VPS13B: variants seen among roughly 807,000 people sequenced by gnomAD.
The protein encoded by VPS13B is intermembrane lipid transfer protein VPS13B.
A neutral mutation model predicts 426.4 loss-of-function variants in VPS13B; 285 were observed. The observed-to-expected ratio is 0.67, with a 90% CI of 0.61 to 0.74. VPS13B has a LOEUF of 0.74. VPS13B is among the 30% of genes least tolerant of loss of function. The pLI, the probability that VPS13B is intolerant of heterozygous loss-of-function variation, is 0.00. For missense variants in VPS13B, 4,537 were observed against 4,782.6 expected, an observed-to-expected ratio of 0.95 and a Z score of 1.51; for synonymous variants, 1,676 against 1,676.4, an observed-to-expected ratio of 1.00 and a Z score of 0.01.
intron 17 of VPS13B, among the ~76,000 whole-genome samples, chr8:99,217,164 T>G (rs1287678907): frequency 6.6e-6 from 1 of 152,212 alleles, no homozygotes; most frequent in Non-Finnish European, 1.5e-5. Flanking sequence ...TTCATGTTTA[T>G]TCCCTCTAAT....
At chr8:99,067,843 G>A (rs904460295) in intron 3 of VPS13B, among the ~76,000 whole-genome samples, 2 of 151,464 alleles carry the variant, frequency 1.3e-5, no homozygotes, top group African/African-American at 4.9e-5. Flanking sequence ...TATCTGAAAT[G>A]CATTCTTTTC....
chr8:99,056,852 A>G (rs934847044), intron 3 of VPS13B, among the ~76,000 whole-genome samples: 3 of 152,178 alleles, frequency 2.0e-5, no homozygotes, highest in African/African-American at 4.8e-5. Flanking sequence ...CAATCCATCT[A>G]CACAGTACGC....
At chr8:99,340,460 A>G (rs998195856) in intron 19 of VPS13B, 10 of 491,120 alleles carry the variant, frequency 2.0e-5, no homozygotes, top group Non-Finnish European at 2.9e-5. Context: ...TTCTCAGACT[A>G]GGACATGTTT....
intron 15 of VPS13B, among the ~76,000 whole-genome samples, chr8:99,163,472 G>A (rs1048083266): frequency 2.0e-5 from 3 of 152,162 alleles, no homozygotes; most frequent in East Asian, 1.9e-4. Flanking sequence ...GGGGAGGCTC[G>A]GGCTGCACAG....
rs536685079 is a variant in VPS13B at position 99,507,205 on chromosome 8, T to G, written c.4224+2T>G. 6.2e-7 allele frequency: 1 copy of G among 1,613,838 alleles called. No individual in the cohort carries two copies. The highest frequency in any genetic ancestry group is 1.3e-5 in the African/African-American group (1 of 75,034). On this transcript the variant is annotated splice_donor_variant, in intron 28 of 61. Coordinates refer to ENST00000357162, the MANE Select transcript of VPS13B (RefSeq NM_152564.5). LOFTEE classifies it high-confidence loss of function. Reference sequence around the variant, plus strand: ...CTACAATGCAAAGAAAAATCTGTGGTGAGACCCATTTAGTTACTATGATTT... The same window carrying G: ...CTACAATGCAAAGAAAAATCTGTGGGGAGACCCATTTAGTTACTATGATTT...
intron 33 of VPS13B, among the ~76,000 whole-genome samples, chr8:99,593,822 C>A (rs1826826659): frequency 1.3e-5 from 2 of 152,078 alleles, no homozygotes; most frequent in African/African-American, 4.8e-5. Flanking sequence ...AAACCAAACA[C>A]CACATGTTCT....
At chr8:99,754,687 A>C (rs1214268335) in intron 39 of VPS13B, among the ~76,000 whole-genome samples, 1 of 152,122 alleles carries the variant, frequency 6.6e-6, no homozygotes, top group African/African-American at 2.4e-5. Context: ...GTACTTGTCT[A>C]CTAATTTTCT....
At chr8:99,845,016 A>G (rs1815907757) in intron 54 of VPS13B, among the ~76,000 whole-genome samples, 1 of 152,150 alleles carries the variant, frequency 6.6e-6, no homozygotes. Context: ...TTTATGATCT[A>G]CCTCTCAAGT....
chr8:99,751,476 A>G lies in VPS13B; in HGVS notation c.7051-15298A>G, dbSNP rs184415195. 2.8e-4 allele frequency among the ~76,000 whole-genome samples: 42 copies of G among 152,262 alleles called. No homozygotes were observed. In the East Asian group the frequency reaches 7.3e-3, roughly 27 times the overall value. On this transcript the variant is annotated intron_variant, in intron 39 of 61. Transcript: ENST00000357162. ...ATATTTTTAAAACACACTTCAAATC[A>G]CTTCTAGTAATCCCAGGTACTTGAC... is the stretch of plus-strand genomic sequence containing the variant.
intron 25 of VPS13B, among the ~76,000 whole-genome samples, chr8:99,498,300 A>G (rs984355634): frequency 6.6e-6 from 1 of 152,144 alleles, no homozygotes; most frequent in East Asian, 1.9e-4. Flanking sequence ...ACATTTTACT[A>G]TTAAAACATT....
intron 19 of VPS13B, among the ~76,000 whole-genome samples, chr8:99,337,237 A>G (rs1322642992): frequency 1.3e-5 from 2 of 152,186 alleles, no homozygotes; most frequent in Non-Finnish European, 1.5e-5. Context: ...ATTGGAAATC[A>G]TCATTCTCAG....
intron 14 of VPS13B, among the ~76,000 whole-genome samples, chr8:99,148,929 G>C (rs1284471147): frequency 6.6e-6 from 1 of 152,234 alleles, no homozygotes; most frequent in Non-Finnish European, 1.5e-5. Flanking sequence ...GAGGAATGCT[G>C]ATGAGAAAAT....
intron 43 of VPS13B, among the ~76,000 whole-genome samples, chr8:99,798,343 G>A (rs1487889128): frequency 2.0e-5 from 3 of 151,888 alleles, no homozygotes; most frequent in Non-Finnish European, 4.4e-5. Flanking sequence ...AGCAGTTTTG[G>A]TCATTAAGTA....
chr8:99,812,541 A>G (rs1029412786), intron 44 of VPS13B, among the ~76,000 whole-genome samples: 4 of 152,184 alleles, frequency 2.6e-5, no homozygotes, highest in African/African-American at 9.7e-5. Context: ...TCTTTTCTTA[A>G]CATTGATGCT....
chr8:99,537,041 A>G (rs1823282443), intron 30 of VPS13B, among the ~76,000 whole-genome samples: 1 of 152,232 alleles, frequency 6.6e-6, no homozygotes, highest in Admixed American at 6.5e-5. Context: ...TTTATACTGT[A>G]GAATAAAACA....
intron 36 of VPS13B, among the ~76,000 whole-genome samples, chr8:99,702,824 G>A (rs989691029): frequency 7.9e-5 from 12 of 152,094 alleles, no homozygotes; most frequent in Non-Finnish European, 1.5e-4. Context: ...TATATAAACA[G>A]GGTAAAACGG....
rs948735783 is a variant in VPS13B at position 99,577,782 on chromosome 8, G to A, written c.5220+149G>A. ...ATATAGTCATAAGTCATTTTGGATT[G>A]ATATTCTTTATTTTAGAAATTTGTT... On this transcript the variant is annotated intron_variant, in intron 33 of 61. Coordinates refer to ENST00000357162, the MANE Select transcript of VPS13B (RefSeq NM_152564.5). 2.7e-6 allele frequency: 3 copies of A among 1,110,844 alleles called. No homozygotes were observed. In the African/African-American group the frequency reaches 4.7e-5, roughly 18 times the overall value. The allele number at this position is 1,110,844 out of a possible 1,614,324, so 68.8% of individuals were successfully genotyped here.
rs574238919 is a variant in VPS13B, at chr8:99,821,434, G to A, written c.9135G>A (p.Ala3045=). Residue 3045 remains alanine (A), a synonymous_variant, in exon 50 of 62, where the codon GCG becomes GCA. Coordinates refer to ENST00000357162, the MANE Select transcript of VPS13B (RefSeq NM_152564.5). ...NGEVVTLDEE[A]FVDTEIRLGA... ...AAGTTGTGACACTGGATGAAGAAGC[G>A]TTTGTTGATACTGAAATAAGACTTG... The A allele has an allele frequency of 2.2e-5, 35 of 1,613,800 alleles. No individual in the cohort carries two copies. Among genetic ancestry groups the A allele is most frequent in the African/African-American group, 5.3e-5 (4 of 75,002 alleles).
intron 2 of VPS13B, among the ~76,000 whole-genome samples, chr8:99,018,651 A>G (rs530212980): frequency 6.6e-6 from 1 of 152,208 alleles, no homozygotes; most frequent in Admixed American, 6.5e-5. Context: ...AGTAGAGGTC[A>G]TGAGAATAGA....
Sources: gnomAD v4.1 joint callset for allele counts (sites outside exome capture counted in the v4.1 genomes callset) on GRCh38, gnomAD v4.1.1 for gene constraint, MANE v1.5 for transcripts, NCBI Gene and HGNC (gene_info 2026-07-23, HGNC 2026-07-21) for gene names.